ITGA9: variants seen among roughly 807,000 people sequenced by gnomAD.
ITGA9 encodes integrin subunit alpha 9, also known as integrin alpha-9.
In ITGA9, 56 loss-of-function variants were observed where a neutral mutation model predicts 127.8. The observed-to-expected ratio is 0.44, with a 90% CI of 0.35 to 0.55. ITGA9 has a LOEUF of 0.55. Among genes scored for constraint, ITGA9 ranks in the 20% least tolerant of loss-of-function variants. The pLI is 0.00. For synonymous variants in ITGA9, 508 were observed against 514.5 expected, an observed-to-expected ratio of 0.99 and a Z score of 0.17; for missense variants, 1,196 against 1,347.1, an observed-to-expected ratio of 0.89 and a Z score of 1.76.
chr3:37,618,637 T>C (rs1215294008), intron 15 of ITGA9, among the ~76,000 whole-genome samples: 1 of 152,238 alleles, frequency 6.6e-6, no homozygotes, highest in Non-Finnish European at 1.5e-5. Flanking sequence ...GCCACTTTGT[T>C]AACCTAGTCA....
rs1175179441 is a variant in ITGA9, at chr3:37,806,497, G to A, written c.3009+2555G>A. ...CGCCCCACCTGGCTCTGCCTCTCAG[G>A]GGTGTCCTGTCTCCTCTGCACAGCC... On this transcript the variant is annotated intron_variant, in intron 27 of 27. Transcript: ENST00000264741. The surrounding 1 kb of genome is among the most constrained non-coding windows in gnomAD (Gnocchi z 4.3). 1 of 152,576 alleles carries A rather than the reference G, an allele frequency of 6.6e-6. No homozygotes were observed. Among genetic ancestry groups the A allele is most frequent in the African/African-American group, 2.4e-5 (1 of 41,418 alleles). The allele number at this position is 152,576 out of a possible 1,614,324, so 9.5% of individuals were successfully genotyped here. A position where few individuals can be genotyped will look rare whatever the true frequency, so the allele number is the denominator to read the frequency against.
At chr3:37,576,183 T>C (rs1194539447) in intron 15 of ITGA9, among the ~76,000 whole-genome samples, 2 of 152,136 alleles carry the variant, frequency 1.3e-5, no homozygotes, top group African/African-American at 4.8e-5. Context: ...AGGGAGGACA[T>C]AGCTGGTAAT....
intron 18 of ITGA9, among the ~76,000 whole-genome samples, chr3:37,709,568 G>A (rs1423205316): frequency 1.3e-5 from 2 of 152,242 alleles, no homozygotes; most frequent in African/African-American, 4.8e-5. Flanking sequence ...GCCAGGAGCT[G>A]AGTGGCAGCA....
At chr3:37,478,110 T>G (rs573307480) in intron 3 of ITGA9, among the ~76,000 whole-genome samples, 1 of 152,272 alleles carries the variant, frequency 6.6e-6, no homozygotes, top group South Asian at 2.1e-4. Flanking sequence ...AGCAGCCCCT[T>G]CCCAATGCCC....
At chr3:37,521,018 C>A (rs1029637729) in intron 11 of ITGA9, among the ~76,000 whole-genome samples, 1 of 152,082 alleles carries the variant, frequency 6.6e-6, no homozygotes, top group African/African-American at 2.4e-5. Flanking sequence ...TAGCGTGGAG[C>A]GTCTTTAGTG....
intron 11 of ITGA9, among the ~76,000 whole-genome samples, chr3:37,520,181 A>G (rs967038239): frequency 3.3e-5 from 5 of 152,158 alleles, no homozygotes; most frequent in Admixed American, 6.5e-5. Context: ...GCAGATAGAG[A>G]TAAACTAGTT....
At chr3:37,507,834 G>T (rs1252492538) in intron 7 of ITGA9, among the ~76,000 whole-genome samples, 1 of 152,106 alleles carries the variant, frequency 6.6e-6, no homozygotes, top group Non-Finnish European at 1.5e-5. Context: ...CTCATGGGAA[G>T]GTTATTTACA....
intron 6 of ITGA9, among the ~76,000 whole-genome samples, chr3:37,504,507 C>A (rs751216118): frequency 6.6e-6 from 1 of 152,126 alleles, no homozygotes; most frequent in Admixed American, 6.5e-5. Context: ...GGGCTGGGAG[C>A]ACCTTGAAGA....
intron 1 of ITGA9, among the ~76,000 whole-genome samples, chr3:37,457,471 G>A (rs571428881): frequency 6.6e-6 from 1 of 152,300 alleles, no homozygotes; most frequent in South Asian, 2.1e-4. Context: ...TCTTGCTGAG[G>A]AAACACCCAG....
At chr3:37,697,810 T>C (rs906856663) in intron 18 of ITGA9, among the ~76,000 whole-genome samples, 1 of 152,222 alleles carries the variant, frequency 6.6e-6, no homozygotes, top group Non-Finnish European at 1.5e-5. Context: ...GTGCATGTTC[T>C]TTATAGCAGC....
chr3:37,498,028 C>G (rs1302893468), intron 5 of ITGA9, among the ~76,000 whole-genome samples: 1 of 152,126 alleles, frequency 6.6e-6, no homozygotes, highest in Non-Finnish European at 1.5e-5. Context: ...AAGGAAATGT[C>G]AAGGGGCTGG....
At chr3:37,656,388 C>T (rs1410796412) in intron 17 of ITGA9, among the ~76,000 whole-genome samples, 2 of 152,066 alleles carry the variant, frequency 1.3e-5, no homozygotes, top group African/African-American at 4.8e-5. Flanking sequence ...GTTTGTAGTT[C>T]TCTTGAAGAG....
chr3:37,779,619 AC>A (rs1696951062), intron 24 of ITGA9, among the ~76,000 whole-genome samples: 1 of 152,118 alleles, frequency 6.6e-6, no homozygotes, highest in Non-Finnish European at 1.5e-5. Flanking sequence ...AAAAAAAAAA[AC>A]AATTATTTCT....
Position 37,684,061 on chromosome 3 carries a change from C to T in ITGA9, c.2067+46C>T, listed in dbSNP as rs137860141. On this transcript the variant is annotated intron_variant, in intron 18 of 27. Coordinates refer to ENST00000264741, the MANE Select transcript of ITGA9 (RefSeq NM_002207.3). ...AAAAGAGCAGTTGTTCCATCTGGTG[C>T]GCTTGCTGACTTTCATTATTGCCTG... The T allele has an allele frequency of 5.7e-5, 86 of 1,521,658 alleles. No homozygotes were observed. The East Asian group carries it at 6.1e-4, about 11-fold the overall frequency. 94.3% of individuals were successfully genotyped at this position (1,521,658 alleles called of 1,614,324 possible).
chr3:37,570,177 A>G (rs1699587057), intron 15 of ITGA9, among the ~76,000 whole-genome samples: 1 of 152,236 alleles, frequency 6.6e-6, no homozygotes, highest in African/African-American at 2.4e-5. Context: ...CTGACTTCTC[A>G]TGGATGCAGC....
intron 27 of ITGA9, 170 bp from the exon 28 acceptor site, chr3:37,818,721 C>T: frequency 1.5e-6 from 1 of 656,136 alleles, no homozygotes; most frequent in Non-Finnish European, 2.8e-6. Flanking sequence ...TGAAAAATGT[C>T]TCCACAGGAT....
chr3:37,521,986 G>C (rs1699048705), intron 11 of ITGA9, among the ~76,000 whole-genome samples: 1 of 152,008 alleles, frequency 6.6e-6, no homozygotes, highest in Non-Finnish European at 1.5e-5. Context: ...TTCTAGGAGG[G>C]TTATTTGCAG....
At chr3:37,505,855 A>G in intron 6 of ITGA9, 145 bp from the exon 7 acceptor site, 1 of 703,212 alleles carries the variant, frequency 1.4e-6, no homozygotes, top group Admixed American at 2.0e-5. Flanking sequence ...CAGCATGAGA[A>G]GGTTGACAGC....
At chr3:37,627,768 A>G (rs1207751158) in intron 15 of ITGA9, among the ~76,000 whole-genome samples, 1 of 151,986 alleles carries the variant, frequency 6.6e-6, no homozygotes, top group Non-Finnish European at 1.5e-5. Context: ...AAGGGCATCC[A>G]TATAGTGACA....
Sources: gnomAD v4.1 joint callset for allele counts (sites outside exome capture counted in the v4.1 genomes callset) on GRCh38, gnomAD v4.1.1 for gene constraint, Gnocchi (gnomAD v3.1) non-coding constraint, MANE v1.5 for transcripts, NCBI Gene and HGNC (gene_info 2026-07-23, HGNC 2026-07-21) for gene names.